SLC16A10: variants seen among roughly 807,000 people sequenced by gnomAD.
SLC16A10 encodes the protein solute carrier family 16 member 10.
Under a neutral mutation model 40.0 loss-of-function variants are expected in SLC16A10, and 27 were observed. The observed-to-expected ratio is 0.67, with a 90% CI of 0.50 to 0.93. The LOEUF is 0.93. SLC16A10 is among the 40% of genes least tolerant of loss of function. The probability of loss-of-function intolerance (pLI) is 0.00; values close to 1 mark genes in which losing one functional copy is unlikely to be tolerated. For synonymous variants in SLC16A10, 213 were observed against 249.8 expected (o/e 0.85, Z 1.39); for missense variants, 529 against 658.2 (o/e 0.80, Z 2.15).
chr6:111,095,475 T>C (rs1240307505), intron 1 of SLC16A10, among the ~76,000 whole-genome samples: 2 of 152,226 alleles, frequency 1.3e-5, no homozygotes, highest in Non-Finnish European at 1.5e-5. Flanking sequence ...GAGAACCTGA[T>C]TTCAACCTAT....
chr6:111,204,712 G>A (rs565264074), intron 3 of SLC16A10, among the ~76,000 whole-genome samples: 2 of 152,098 alleles, frequency 1.3e-5, no homozygotes, highest in Non-Finnish European at 2.9e-5. Flanking sequence ...TGTAGAGCTG[G>A]ATCACACAGT....
chr6:111,119,517 A>G (rs1048746608), intron 1 of SLC16A10, among the ~76,000 whole-genome samples: 1 of 152,222 alleles, frequency 6.6e-6, no homozygotes, highest in Admixed American at 6.5e-5. Flanking sequence ...TGTGAGGTGT[A>G]CAAAAATGAG....
intron 1 of SLC16A10, among the ~76,000 whole-genome samples, chr6:111,150,361 C>G (rs1206195142): frequency 1.3e-5 from 2 of 152,194 alleles, no homozygotes; most frequent in African/African-American, 4.8e-5. Context: ...TACCCAGTCT[C>G]TGGTATTCTG....
chr6:111,189,550 A>G (rs1479960059), intron 3 of SLC16A10, among the ~76,000 whole-genome samples: 1 of 152,166 alleles, frequency 6.6e-6, no homozygotes, highest in Admixed American at 6.5e-5. Context: ...TCACACTGCT[A>G]ATAAAGACTT....
At chr6:111,149,822 C>T (rs921633353) in intron 1 of SLC16A10, among the ~76,000 whole-genome samples, 2 of 152,170 alleles carry the variant, frequency 1.3e-5, no homozygotes, top group Admixed American at 6.5e-5. Context: ...CTCCTTTTCT[C>T]ATCTCTTAAT....
intron 4 of SLC16A10, 109 bp from the exon 5 acceptor site, chr6:111,218,704 CA>C (rs768310280): frequency 7.2e-6 from 6 of 828,112 alleles, no homozygotes; most frequent in African/African-American, 1.7e-5. Flanking sequence ...GAGGCAGTGG[CA>C]GGGGGGAAAG....
intron 1 of SLC16A10, among the ~76,000 whole-genome samples, chr6:111,135,320 A>G (rs1562408219): frequency 6.6e-6 from 1 of 152,152 alleles, no homozygotes; most frequent in Non-Finnish European, 1.5e-5. Context: ...CTTAGACTGG[A>G]GGCCCACCAA....
In SLC16A10 at chr6:111,139,094, T is replaced by TC. The variant is rs1554257722; in HGVS notation, c.344-33601_344-33600insC. On this transcript the variant is annotated intron_variant, in intron 1 of 5. Coordinates refer to ENST00000368851, the MANE Select transcript of SLC16A10 (RefSeq NM_018593.5). ...TGGCTTTTTTTTTTCTTCTTCTTCTTTTTTTTTTTTTTTTACTGTGAAAAA... is the reference window on the plus strand; with the variant it reads ...TGGCTTTTTTTTTTCTTCTTCTTCTTCTTTTTTTTTTTTTTACTGTGAAAAA... Among the ~76,000 whole-genome samples, 351 of 141,164 alleles carry TC rather than the reference T, an allele frequency of 2.5e-3. 1 individual carries two copies. Among genetic ancestry groups the TC allele is most frequent in the African/African-American group, 7.7e-3 (299 of 38,678 alleles). The allele number at this position is 141,164 out of a possible 152,430, so 92.6% of individuals were successfully genotyped here.
rs545342121 is a variant in SLC16A10 at position 111,130,083 on chromosome 6, A to G, written c.343+41988A>G. Among the ~76,000 whole-genome samples, 4 of 152,342 alleles carry G rather than the reference A, an allele frequency of 2.6e-5. No individual in the cohort carries two copies. The South Asian group carries it at 8.3e-4, about 32-fold the overall frequency. ...GAGTTACCAACTGGAATATTTGGTT[A>G]TGAGACACAGTCATCATGTCAGAGT... is the stretch of plus-strand genomic sequence containing the variant. On this transcript the variant is annotated intron_variant, in intron 1 of 5. Transcript: ENST00000368851.
intron 1 of SLC16A10, among the ~76,000 whole-genome samples, chr6:111,155,368 T>C (rs1035811575): frequency 1.4e-5 from 2 of 144,538 alleles, no homozygotes; most frequent in African/African-American, 5.1e-5. Flanking sequence ...AGTTGTTTCG[T>C]TTTTTTTTTT....
chr6:111,088,962 A>C (rs1184571726), intron 1 of SLC16A10, among the ~76,000 whole-genome samples: 4 of 152,032 alleles, frequency 2.6e-5, no homozygotes, highest in Non-Finnish European at 5.9e-5. Context: ...TGGGTGAGAA[A>C]ACTGTAGCTC....
At chr6:111,215,040 AC>A (rs1773398578) in intron 4 of SLC16A10, among the ~76,000 whole-genome samples, 1 of 151,960 alleles carries the variant, frequency 6.6e-6, no homozygotes, top group East Asian at 1.9e-4. Flanking sequence ...AATGTTGTGA[AC>A]CTGGGAGGCA....
rs35235587 is a variant in SLC16A10 at position 111,117,351 on chromosome 6, C to CA, written c.343+29281dup. 2.1e-3 allele frequency among the ~76,000 whole-genome samples: 154 copies of CA among 73,364 alleles called. 2 individuals are homozygous for CA. The highest frequency in any genetic ancestry group is 4.7e-3 in the South Asian group (10 of 2,132). The allele number at this position is 73,364 out of a possible 152,430, so 48.1% of individuals were successfully genotyped here. On this transcript the variant is annotated intron_variant, in intron 1 of 5. Transcript: ENST00000368851. Reference sequence around the variant, plus strand: ...TGGGCGACAGAGCGAGACTCCGTCTCAAAAAAAAAAAAAAAAAAAAAAAAA... The same window carrying CA: ...TGGGCGACAGAGCGAGACTCCGTCTCAAAAAAAAAAAAAAAAAAAAAAAAAA...
intron 1 of SLC16A10, among the ~76,000 whole-genome samples, chr6:111,089,911 T>G (rs1217741539): frequency 2.5e-5 from 2 of 81,250 alleles, no homozygotes; most frequent in East Asian, 5.9e-4. Context: ...TGGGTGGGTT[T>G]TTTTTTTTTT....
At chr6:111,135,273 G>A (rs2114494816) in intron 1 of SLC16A10, among the ~76,000 whole-genome samples, 1 of 152,236 alleles carries the variant, frequency 6.6e-6, no homozygotes, top group East Asian at 1.9e-4. Context: ...TTAAACTAAA[G>A]GATTCTGCCT....
intron 1 of SLC16A10, among the ~76,000 whole-genome samples, chr6:111,108,816 C>T (rs1583306823): frequency 6.6e-6 from 1 of 152,158 alleles, no homozygotes. Context: ...ATTTTCATAA[C>T]AAACTTCACC....
chr6:111,106,592 T>A (rs1771288688), intron 1 of SLC16A10, among the ~76,000 whole-genome samples: 1 of 152,230 alleles, frequency 6.6e-6, no homozygotes, highest in Admixed American at 6.5e-5. Context: ...CTTGAGAGGA[T>A]AAATTAATCA....
intron 3 of SLC16A10, among the ~76,000 whole-genome samples, chr6:111,197,620 C>T (rs572166232): frequency 1.2e-4 from 18 of 152,074 alleles, no homozygotes; most frequent in Non-Finnish European, 2.2e-4. Context: ...TACCTGAGGC[C>T]GGATGATTTA....
chr6:111,092,416 T>C (rs903461057), intron 1 of SLC16A10, among the ~76,000 whole-genome samples: 3 of 146,956 alleles, frequency 2.0e-5, no homozygotes, highest in African/African-American at 7.7e-5. Flanking sequence ...GCCTCCCGGA[T>C]GCAAGCAATT....
Sources: gnomAD v4.1 joint callset for allele counts (sites outside exome capture counted in the v4.1 genomes callset) on GRCh38, gnomAD v4.1.1 for gene constraint, MANE v1.5 for transcripts, NCBI Gene and HGNC (gene_info 2026-07-23, HGNC 2026-07-21) for gene names.